Variants in ZMAT4 observed in about 807,000 individuals in gnomAD.
ZMAT4 encodes the protein zinc finger matrin-type protein 4.
Under a neutral mutation model 28.7 loss-of-function variants are expected in ZMAT4, and 17 were observed. That is an observed-to-expected ratio of 0.59 (90% CI 0.41 to 0.89). The LOEUF is 0.89. Ranked by LOEUF, ZMAT4 falls within the 40% of genes least tolerant of loss-of-function variation. The probability of loss-of-function intolerance (pLI) is 0.00; values close to 1 mark genes in which losing one functional copy is unlikely to be tolerated. For missense variants in ZMAT4, 240 were observed against 283.8 expected, an observed-to-expected ratio of 0.85 and a Z score of 1.11; for synonymous variants, 117 against 109.2, an observed-to-expected ratio of 1.07 and a Z score of -0.44.
At chr8:40,648,106 T>A (rs2118799137) in intron 5 of ZMAT4, among the ~76,000 whole-genome samples, 1 of 152,260 alleles carries the variant, frequency 6.6e-6, no homozygotes, top group South Asian at 2.1e-4. Flanking sequence ...GAAGGCGGCT[T>A]CAGACGATCA....
At chr8:40,766,645 C>CAGCT (rs1813171486) in intron 3 of ZMAT4, among the ~76,000 whole-genome samples, 1 of 152,184 alleles carries the variant, frequency 6.6e-6, no homozygotes, top group Non-Finnish European at 1.5e-5. Flanking sequence ...TGTGTATGAA[C>CAGCT]AGCTCATTTT....
chr8:40,857,616 A>G (rs1817345519), intron 1 of ZMAT4, among the ~76,000 whole-genome samples: 1 of 152,192 alleles, frequency 6.6e-6, no homozygotes, highest in Admixed American at 6.5e-5. Context: ...CTGTTTAGAA[A>G]CTTTTTGCTA....
Position 40,580,010 on chromosome 8 carries a change from C to CTTTT in ZMAT4, c.674+1151_674+1154dup, listed in dbSNP as rs60027647. The stretch of plus-strand genomic sequence containing the variant: ...AAGAGGAAGGACTCAATGTATTCAT[C>CTTTT]TTTTTTTTTTTTTTTTTTTTGAGAC... On this transcript the variant is annotated intron_variant, in intron 6 of 6. Coordinates refer to ENST00000297737, the MANE Select transcript of ZMAT4 (RefSeq NM_024645.3). 2.2e-4 allele frequency among the ~76,000 whole-genome samples: 26 copies of CTTTT among 118,720 alleles called. 2 individuals are homozygous for CTTTT. Among genetic ancestry groups the CTTTT allele is most frequent in the Non-Finnish European group, 2.4e-4 (14 of 59,404 alleles). The allele number at this position is 118,720 out of a possible 152,430, so 77.9% of individuals were successfully genotyped here.
At chr8:40,546,023 A>G (rs1461965849) in intron 6 of ZMAT4, among the ~76,000 whole-genome samples, 1 of 151,992 alleles carries the variant, frequency 6.6e-6, no homozygotes, top group Non-Finnish European at 1.5e-5. Context: ...TCTGATCACA[A>G]AGGAAGTTAC....
intron 1 of ZMAT4, among the ~76,000 whole-genome samples, chr8:40,837,082 G>T (rs536266855): frequency 9.2e-5 from 14 of 152,184 alleles, no homozygotes; most frequent in Non-Finnish European, 1.8e-4. Flanking sequence ...CTGCAATAGA[G>T]ACATTGTTTT....
At chr8:40,698,567 T>C (rs1186060600) in intron 3 of ZMAT4, among the ~76,000 whole-genome samples, 1 of 152,120 alleles carries the variant, frequency 6.6e-6, no homozygotes, top group Non-Finnish European at 1.5e-5. Flanking sequence ...GACAGTACAA[T>C]TTAAAATTGG....
chr8:40,634,236 CA>C (rs1211954865), intron 5 of ZMAT4, among the ~76,000 whole-genome samples: 3 of 152,190 alleles, frequency 2.0e-5, no homozygotes, highest in Non-Finnish European at 4.4e-5. Context: ...ACATCAGACA[CA>C]ACGGAGCTTT....
chr8:40,623,817 T>C (rs1410475103), intron 5 of ZMAT4, among the ~76,000 whole-genome samples: 1 of 152,130 alleles, frequency 6.6e-6, no homozygotes, highest in Non-Finnish European at 1.5e-5. Flanking sequence ...AATAGCAGAG[T>C]GTCCATCAGC....
At chr8:40,718,698 A>G (rs1166039367) in intron 3 of ZMAT4, among the ~76,000 whole-genome samples, 1 of 152,134 alleles carries the variant, frequency 6.6e-6, no homozygotes, top group African/African-American at 2.4e-5. Flanking sequence ...AGTGACAGAG[A>G]CACACACAGA....
intron 5 of ZMAT4, among the ~76,000 whole-genome samples, chr8:40,581,978 G>A (rs1425063307): frequency 1.3e-5 from 2 of 152,264 alleles, no homozygotes; most frequent in African/African-American, 4.8e-5. Flanking sequence ...TAACCAAATA[G>A]CCTTAAACAT....
chr8:40,797,901 C>G (rs1014019678), intron 2 of ZMAT4, among the ~76,000 whole-genome samples: 1 of 152,214 alleles, frequency 6.6e-6, no homozygotes, highest in Non-Finnish European at 1.5e-5. Flanking sequence ...AATTCCAAGT[C>G]AGAACCCTCT....
chr8:40,752,658 A>ATTCT (rs1211794677), intron 3 of ZMAT4, among the ~76,000 whole-genome samples: 2 of 152,100 alleles, frequency 1.3e-5, no homozygotes, highest in African/African-American at 4.8e-5. Flanking sequence ...GTCTTACACT[A>ATTCT]ATTATCCCAT....
In ZMAT4 at chr8:40,833,540, C is replaced by CAAAAAAAAAAAAAAAAAAAAAAAAAA. The variant is rs57458575; in HGVS notation, c.-4-7861_-4-7860insTTTTTTTTTTTTTTTTTTTTTTTTTT. 3.9e-4 allele frequency among the ~76,000 whole-genome samples: 34 copies of CAAAAAAAAAAAAAAAAAAAAAAAAAA among 87,064 alleles called. 1 individual carries two copies. Among genetic ancestry groups the CAAAAAAAAAAAAAAAAAAAAAAAAAA allele is most frequent in the Admixed American group, 1.1e-3 (8 of 7,420 alleles). 57.1% of individuals were successfully genotyped at this position (87,064 alleles called of 152,430 possible). On this transcript the variant is annotated intron_variant, in intron 1 of 6. Transcript: ENST00000297737. Reference sequence around the variant, plus strand: ...CCGAGATCATACCACTACACTCCAGCAAAAAAAAAAAAAAAAAAGACATGA... The same window carrying CAAAAAAAAAAAAAAAAAAAAAAAAAA: ...CCGAGATCATACCACTACACTCCAGCAAAAAAAAAAAAAAAAAAAAAAAAAAAAAAAAAAAAAAAAAAAAGACATGA...
chr8:40,689,063 T>C (rs1336848814), intron 4 of ZMAT4, among the ~76,000 whole-genome samples: 1 of 152,242 alleles, frequency 6.6e-6, no homozygotes, highest in Non-Finnish European at 1.5e-5. Context: ...AAACAGTGTG[T>C]CCAAGGTGGT....
chr8:40,652,700 T>A (rs1807730010), intron 5 of ZMAT4, among the ~76,000 whole-genome samples: 2 of 105,676 alleles, frequency 1.9e-5, no homozygotes, highest in Admixed American at 2.0e-4. Context: ...CCAACAATGA[T>A]AGACTGGATT....
intron 3 of ZMAT4, among the ~76,000 whole-genome samples, chr8:40,738,293 T>C (rs28624534): frequency 0.31 from 47,481 of 152,044 alleles, 7,805 homozygotes; most frequent in Non-Finnish European, 0.36. Context: ...GACTCTGCTT[T>C]GTTTGGGAAG....
intron 1 of ZMAT4, among the ~76,000 whole-genome samples, chr8:40,858,293 T>C (rs75600485): frequency 0.015 from 2,209 of 152,298 alleles, 31 homozygotes; most frequent in Admixed American, 0.022. Flanking sequence ...CATTTTCACC[T>C]TTTATGAAAC....
chr8:40,708,789 AC>A (rs1463052899), intron 3 of ZMAT4, among the ~76,000 whole-genome samples: 1 of 151,200 alleles, frequency 6.6e-6, no homozygotes, highest in Non-Finnish European at 1.5e-5. Context: ...AGCCGGAATC[AC>A]AGGTGCGCAC....
intron 5 of ZMAT4, among the ~76,000 whole-genome samples, chr8:40,608,405 C>A (rs1009119963): frequency 6.6e-6 from 1 of 152,122 alleles, no homozygotes; most frequent in Non-Finnish European, 1.5e-5. Flanking sequence ...GCCAGAAAGG[C>A]CAGTCTCATT....
Sources: gnomAD v4.1 joint callset for allele counts (sites outside exome capture counted in the v4.1 genomes callset) on GRCh38, gnomAD v4.1.1 for gene constraint, MANE v1.5 for transcripts, NCBI Gene and HGNC (gene_info 2026-07-23, HGNC 2026-07-21) for gene names.